Variants in BTC observed in about 807,000 individuals in gnomAD.
The protein encoded by BTC is betacellulin, also known as probetacellulin.
BTC carries 13 observed loss-of-function variants against 18.1 expected under a neutral mutation model. That is an observed-to-expected ratio of 0.72 (90% CI 0.47 to 1.14). BTC has a LOEUF of 1.14. BTC is among the 50% of genes most tolerant of loss of function. The probability of loss-of-function intolerance (pLI) is 0.00; values close to 1 mark genes in which losing one functional copy is unlikely to be tolerated. For missense variants in BTC, 247 were observed against 224.2 expected (o/e 1.10, Z -0.65); for synonymous variants, 83 against 79.4 (o/e 1.05, Z -0.24).
intron 1 of BTC, among the ~76,000 whole-genome samples, chr4:74,791,210 C>T (rs1427907490): frequency 5.3e-5 from 8 of 152,050 alleles, no homozygotes; most frequent in Admixed American, 3.9e-4. Flanking sequence ...GGCGTGGTGG[C>T]GAGTGCCTGT....
rs782615265 is a variant in BTC at position 74,755,996 on chromosome 4, T to G, written c.164-20A>C. ...TGGTAGCTGGAAAATGAGAAAAAGT[T>G]CAATAAATCAACTCTCTTTAAATAT... On this transcript the variant is annotated intron_variant, in intron 2 of 5. Coordinates refer to ENST00000395743, the MANE Select transcript of BTC (RefSeq NM_001729.4). The G allele has an allele frequency of 2.6e-6, 4 of 1,559,124 alleles. No homozygotes were observed. The highest frequency in any genetic ancestry group is 3.5e-6 in the Non-Finnish European group (4 of 1,130,292).
intron 3 of BTC, among the ~76,000 whole-genome samples, chr4:74,753,927 G>T (rs1266358657): frequency 6.6e-6 from 1 of 152,108 alleles, no homozygotes; most frequent in African/African-American, 2.4e-5. Flanking sequence ...TGAAACACTT[G>T]CTCTTTGCTG....
At chr4:74,768,432 A>AG (rs1406858140) in intron 2 of BTC, among the ~76,000 whole-genome samples, 1 of 152,202 alleles carries the variant, frequency 6.6e-6, no homozygotes, top group Non-Finnish European at 1.5e-5. Context: ...CTTACAAAAG[A>AG]GAAAAATACT....
chr4:74,764,188 G>C (rs1199137750), intron 2 of BTC, among the ~76,000 whole-genome samples: 2 of 151,982 alleles, frequency 1.3e-5, no homozygotes, highest in African/African-American at 4.8e-5. Context: ...AAATGTAAAA[G>C]CTAAAAATTA....
At chr4:74,789,270 T>G (rs979621686) in intron 1 of BTC, among the ~76,000 whole-genome samples, 2 of 152,220 alleles carry the variant, frequency 1.3e-5, no homozygotes, top group African/African-American at 4.8e-5. Flanking sequence ...GCCTCCATAA[T>G]AGTGGTGACT....
chr4:74,788,579 C>T (rs954649857), intron 1 of BTC, among the ~76,000 whole-genome samples: 1 of 152,174 alleles, frequency 6.6e-6, no homozygotes, highest in African/African-American at 2.4e-5. Context: ...CAGTTTTAGA[C>T]ACACTGTAAA....
intron 3 of BTC, among the ~76,000 whole-genome samples, chr4:74,754,289 TAGTA>T (rs1245374952): frequency 1.3e-5 from 2 of 152,232 alleles, no homozygotes; most frequent in Admixed American, 1.3e-4. Context: ...CTTGTGCACC[TAGTA>T]AATTCTGAGG....
At chr4:74,774,108 A>C (rs899147608) in intron 1 of BTC, among the ~76,000 whole-genome samples, 2 of 152,248 alleles carry the variant, frequency 1.3e-5, no homozygotes, top group African/African-American at 4.8e-5. Context: ...AAAAAGTGTA[A>C]GCAAGATAAC....
intron 3 of BTC, among the ~76,000 whole-genome samples, chr4:74,755,347 C>T (rs1407797547): frequency 2.0e-5 from 3 of 152,176 alleles, no homozygotes; most frequent in Non-Finnish European, 4.4e-5. Context: ...TTGAGCTAGG[C>T]TCAAATACAA....
At position 74,770,174 on chromosome 4, in the gene BTC, A is replaced by G. The variant is rs376901283; in HGVS notation, c.65-18T>C. ...CACTAGACCTTCAAATTCAAAACAGAACCAAAATCAAACATGAAAATTTGC... is the reference window on the plus strand; with the variant it reads ...CACTAGACCTTCAAATTCAAAACAGGACCAAAATCAAACATGAAAATTTGC... On this transcript the variant is annotated intron_variant, in intron 1 of 5. Coordinates refer to ENST00000395743, the MANE Select transcript of BTC (RefSeq NM_001729.4). 3 of 1,576,272 alleles carry G rather than the reference A, an allele frequency of 1.9e-6. No individual in the cohort carries two copies. The highest frequency in any genetic ancestry group is 2.6e-6 in the Non-Finnish European group (3 of 1,159,692).
chr4:74,757,632 T>C (rs1369198736), intron 2 of BTC, among the ~76,000 whole-genome samples: 2 of 152,230 alleles, frequency 1.3e-5, no homozygotes, highest in African/African-American at 4.8e-5. Flanking sequence ...GGATACCTTA[T>C]CTTACTATTT....
chr4:74,793,384 C>T (rs1725684580), intron 1 of BTC, among the ~76,000 whole-genome samples: 1 of 152,086 alleles, frequency 6.6e-6, no homozygotes, highest in African/African-American at 2.4e-5. Context: ...TGTGGTGTCC[C>T]CTTCCCAGGC....
intron 1 of BTC, among the ~76,000 whole-genome samples, chr4:74,783,498 G>A (rs371957549): frequency 9.9e-5 from 15 of 151,358 alleles, no homozygotes; most frequent in African/African-American, 2.9e-4. Flanking sequence ...TTTTGGTTAC[G>A]GTAGCCCTGC....
chr4:74,751,682 A>G (rs1553956208), intron 3 of BTC, among the ~76,000 whole-genome samples: 1 of 152,140 alleles, frequency 6.6e-6, no homozygotes, highest in Non-Finnish European at 1.5e-5. Context: ...GGAGCTAACA[A>G]CTCAGTGATT....
intron 1 of BTC, among the ~76,000 whole-genome samples, chr4:74,784,197 A>C (rs1241371869): frequency 1.3e-5 from 2 of 148,768 alleles, no homozygotes; most frequent in African/African-American, 2.5e-5. Flanking sequence ...GTGCCACTGC[A>C]CTCCAGGCTG....
At chr4:74,754,765 G>A (rs145259350) in intron 3 of BTC, among the ~76,000 whole-genome samples, 1 of 152,042 alleles carries the variant, frequency 6.6e-6, no homozygotes, top group East Asian at 1.9e-4. Context: ...TACACACTGT[G>A]GTTTTCATTT....
chr4:74,771,403 A>G (rs927083589), intron 1 of BTC, among the ~76,000 whole-genome samples: 3 of 152,200 alleles, frequency 2.0e-5, no homozygotes, highest in Admixed American at 6.5e-5. Flanking sequence ...AAACTTATGT[A>G]TGTTCTCCAA....
At chr4:74,750,491 T>A in intron 4 of BTC, 82 bp downstream of exon 4, 1 of 1,391,290 alleles carries the variant, frequency 7.2e-7, no homozygotes. Context: ...CAAAAGAGAA[T>A]GTAAAGAGGA....
chr4:74,748,800 C>T (rs577865328), intron 4 of BTC, among the ~76,000 whole-genome samples: 1 of 152,104 alleles, frequency 6.6e-6, no homozygotes, highest in South Asian at 2.1e-4. Context: ...AGTGACACAG[C>T]GTTTGGATAT....
Sources: allele counts gnomAD v4.1 joint callset (sites outside exome capture counted in the v4.1 genomes callset), GRCh38; gene constraint gnomAD v4.1.1; transcripts MANE v1.5; gene names NCBI Gene and HGNC (gene_info 2026-07-23, HGNC 2026-07-21).